CNTNAP2: variants seen among roughly 807,000 people sequenced by gnomAD.
CNTNAP2 encodes contactin associated protein 2.
CNTNAP2 carries 98 observed loss-of-function variants against 155.2 expected under a neutral mutation model. The ratio of observed to expected loss-of-function variants is 0.63; its 90% CI spans 0.54 to 0.75. CNTNAP2 has a LOEUF of 0.75. Among genes scored for constraint, CNTNAP2 ranks in the 30% least tolerant of loss-of-function variants. The pLI, the probability that CNTNAP2 is intolerant of heterozygous loss-of-function variation, is 0.00. For synonymous variants in CNTNAP2, 651 were observed against 631.2 expected (o/e 1.03, Z -0.47); for missense variants, 1,727 against 1,688.1 (o/e 1.02, Z -0.40).
chr7:148,229,334 G>A (rs941384381), intron 19 of CNTNAP2, among the ~76,000 whole-genome samples: 2 of 152,138 alleles, frequency 1.3e-5, no homozygotes, highest in African/African-American at 4.8e-5. Flanking sequence ...GACCAGCCTG[G>A]CCAGCATGGT....
chr7:146,415,776 A>C (rs1157268848), intron 1 of CNTNAP2, among the ~76,000 whole-genome samples: 1 of 152,068 alleles, frequency 6.6e-6, no homozygotes. Flanking sequence ...ATTTTCGATA[A>C]ATTTAAAAAA....
At position 147,913,705 on chromosome 7, in the gene CNTNAP2, T is replaced by C. The variant is rs1171952894; in HGVS notation, c.2255+9984T>C. On this transcript the variant is annotated intron_variant, in intron 14 of 23. Transcript: ENST00000361727. ...TATAGAGTCAGACCATCTACGTTTA[T>C]GTTCCTCCTCCAACACTCAGCCAGT... 2.0e-5 allele frequency among the ~76,000 whole-genome samples: 3 copies of C among 152,196 alleles called. No individual in the cohort carries two copies. In the South Asian group the frequency reaches 6.2e-4, roughly 32 times the overall value.
chr7:146,503,743 A>G (rs75521431), intron 1 of CNTNAP2, among the ~76,000 whole-genome samples: 13,027 of 152,190 alleles, frequency 0.086, 1,477 homozygotes, highest in African/African-American at 0.26. Context: ...TGAGTTGGCT[A>G]TAAATGCATG....
chr7:147,467,371 G>A (rs908824891), intron 10 of CNTNAP2, among the ~76,000 whole-genome samples: 6 of 152,240 alleles, frequency 3.9e-5, no homozygotes, highest in South Asian at 2.1e-4. Context: ...TATTGAAAAC[G>A]TCACTTCCTT....
chr7:146,468,704 G>T (rs1385994498), intron 1 of CNTNAP2, among the ~76,000 whole-genome samples: 2 of 152,068 alleles, frequency 1.3e-5, no homozygotes, highest in African/African-American at 4.8e-5. Context: ...GTCGGTAAAA[G>T]TCTAAGTTGC....
chr7:147,087,968 C>G (rs1221191822), intron 4 of CNTNAP2, among the ~76,000 whole-genome samples: 1 of 152,016 alleles, frequency 6.6e-6, no homozygotes, highest in Non-Finnish European at 1.5e-5. Flanking sequence ...CACAGCCAGA[C>G]TCCACCTCAA....
chr7:146,999,294 C>T (rs1322314945), intron 3 of CNTNAP2, among the ~76,000 whole-genome samples: 5 of 149,172 alleles, frequency 3.4e-5, no homozygotes, highest in African/African-American at 7.3e-5. Flanking sequence ...CATTTTTACT[C>T]GACTCCTCCC....
chr7:147,230,817 A>G (rs1164760447), intron 8 of CNTNAP2, among the ~76,000 whole-genome samples: 1 of 152,134 alleles, frequency 6.6e-6, no homozygotes, highest in African/African-American at 2.4e-5. Flanking sequence ...GATTCCACAT[A>G]TATGTGAGAT....
intron 13 of CNTNAP2, among the ~76,000 whole-genome samples, chr7:147,812,607 A>G (rs1052749084): frequency 6.6e-6 from 1 of 151,846 alleles, no homozygotes; most frequent in Non-Finnish European, 1.5e-5. Flanking sequence ...TATCCGTTCA[A>G]TATCCTGCCA....
intron 1 of CNTNAP2, among the ~76,000 whole-genome samples, chr7:146,587,603 C>T (rs147062782): frequency 2.4e-4 from 37 of 152,176 alleles, no homozygotes; most frequent in East Asian, 2.1e-3. Context: ...TTTATATGCA[C>T]GTATGATGGT....
intron 1 of CNTNAP2, among the ~76,000 whole-genome samples, chr7:146,445,074 A>G (rs1796383607): frequency 6.6e-6 from 1 of 151,798 alleles, no homozygotes; most frequent in Non-Finnish European, 1.5e-5. Context: ...AATAAGTATT[A>G]GTACAGTTTC....
At position 148,324,146 on chromosome 7, in the gene CNTNAP2, A is replaced by C. The variant is rs1279426127; in HGVS notation, c.3475+57020A>C. ...GTGATCCACCCACTTCGGCCCCCCA[A>C]AGTGCTAGGATTACAGACATGAGCC... On this transcript the variant is annotated intron_variant, in intron 21 of 23. Transcript: ENST00000361727. Among the ~76,000 whole-genome samples the C allele has an allele frequency of 3.9e-5, 6 of 152,104 alleles. 1 individual carries two copies. Among genetic ancestry groups the C allele is most frequent in the Admixed American group, 3.9e-4 (6 of 15,294 alleles).
At chr7:148,137,154 C>T (rs1390737920) in intron 16 of CNTNAP2, among the ~76,000 whole-genome samples, 3 of 152,188 alleles carry the variant, frequency 2.0e-5, no homozygotes, top group Admixed American at 1.3e-4. Context: ...TACTTTCAAA[C>T]CTGAGATTCT....
At chr7:148,267,669 AAAAC>A (rs1263422752) in intron 21 of CNTNAP2, among the ~76,000 whole-genome samples, 2 of 151,460 alleles carry the variant, frequency 1.3e-5, no homozygotes, top group Non-Finnish European at 2.9e-5. Context: ...AAAAAAAAAA[AAAAC>A]AACCAAACAA....
chr7:146,446,678 A>G (rs1245142314), intron 1 of CNTNAP2, among the ~76,000 whole-genome samples: 1 of 152,112 alleles, frequency 6.6e-6, no homozygotes, highest in Non-Finnish European at 1.5e-5. Flanking sequence ...ATGCTGATTT[A>G]TTTTCAACTC....
intron 10 of CNTNAP2, among the ~76,000 whole-genome samples, chr7:147,471,592 G>A (rs1437091132): frequency 6.6e-6 from 1 of 152,098 alleles, no homozygotes; most frequent in African/African-American, 2.4e-5. Flanking sequence ...AAGCAAATAT[G>A]CCAAAATATT....
At chr7:146,542,984 G>C (rs895077324) in intron 1 of CNTNAP2, among the ~76,000 whole-genome samples, 1 of 151,724 alleles carries the variant, frequency 6.6e-6, no homozygotes. Flanking sequence ...ATAAATTCAA[G>C]AAATGTATTG....
intron 8 of CNTNAP2, among the ~76,000 whole-genome samples, chr7:147,278,537 A>C (rs1372340268): frequency 6.6e-6 from 1 of 151,750 alleles, no homozygotes; most frequent in Non-Finnish European, 1.5e-5. Context: ...ATGTAAAAGA[A>C]AAAAGTCTAA....
intron 15 of CNTNAP2, among the ~76,000 whole-genome samples, chr7:148,017,842 A>G (rs558921310): frequency 6.6e-6 from 1 of 152,374 alleles, no homozygotes; most frequent in African/African-American, 2.4e-5. Context: ...ATTTGAGAAA[A>G]ACGTTGCTTC....
Sources: gnomAD v4.1 joint callset for allele counts (sites outside exome capture counted in the v4.1 genomes callset) on GRCh38, gnomAD v4.1.1 for gene constraint, MANE v1.5 for transcripts, NCBI Gene and HGNC (gene_info 2026-07-23, HGNC 2026-07-21) for gene names.